Variants in GALNT13 observed in about 807,000 individuals in gnomAD.
GALNT13 encodes the protein UDP-GalNAc:polypeptide N-acetylgalactosaminyltransferase 13.
A neutral mutation model predicts 64.2 loss-of-function variants in GALNT13; 28 were observed. The observed-to-expected ratio is 0.44, with a 90% CI of 0.32 to 0.60. The LOEUF is 0.60. Ranked by LOEUF, GALNT13 falls within the 20% of genes least tolerant of loss-of-function variation. The pLI is 0.05. For synonymous variants in GALNT13, 214 were observed against 224.6 expected (o/e 0.95, Z 0.42); for missense variants, 577 against 669.8 (o/e 0.86, Z 1.53).
the GALNT13 span, among the ~76,000 whole-genome samples, chr2:153,621,292 A>T: frequency 2.0e-5 from 3 of 152,124 alleles, no homozygotes; most frequent in African/African-American, 7.2e-5. Context: ...ACAAATACTC[A>T]CCAGTTTGGG....
chr2:153,780,387 A>G, the GALNT13 span, among the ~76,000 whole-genome samples: 1 of 151,820 alleles, frequency 6.6e-6, no homozygotes, highest in Non-Finnish European at 1.5e-5. Flanking sequence ...CTGATCCCTC[A>G]ATGCTGTTCT....
chr2:154,139,567 A>G (rs893089267), intron 3 of GALNT13, among the ~76,000 whole-genome samples: 3 of 151,398 alleles, frequency 2.0e-5, no homozygotes, highest in African/African-American at 7.3e-5. Flanking sequence ...ATTTGGGCCA[A>G]CTGGCACTTT....
At chr2:153,103,394 A>G in the GALNT13 span, among the ~76,000 whole-genome samples, 2 of 152,222 alleles carry the variant, frequency 1.3e-5, no homozygotes, top group Non-Finnish European at 2.9e-5. Flanking sequence ...TGATGCCTCC[A>G]GAGACACCTT....
chr2:153,616,859 C>T, the GALNT13 span, among the ~76,000 whole-genome samples: 2 of 151,936 alleles, frequency 1.3e-5, no homozygotes, highest in Non-Finnish European at 2.9e-5. Flanking sequence ...AACTCTATAT[C>T]ATCTACAAAC....
intron 3 of GALNT13, among the ~76,000 whole-genome samples, chr2:154,131,602 C>T (rs1161383824): frequency 6.6e-6 from 1 of 152,088 alleles, no homozygotes; most frequent in Non-Finnish European, 1.5e-5. Flanking sequence ...CTATAAAAGC[C>T]AGGTTATATT....
chr2:153,348,168 C>G, the GALNT13 span, among the ~76,000 whole-genome samples: 1 of 152,120 alleles, frequency 6.6e-6, no homozygotes, highest in Admixed American at 6.6e-5. Flanking sequence ...CCTATTATGC[C>G]TGTGTTCAAA....
chr2:153,203,854 GAC>G, the GALNT13 span, among the ~76,000 whole-genome samples: 5 of 138,214 alleles, frequency 3.6e-5, no homozygotes, highest in Admixed American at 7.5e-5. Flanking sequence ...GGAAAATAGG[GAC>G]ACAATATGTA....
At chr2:153,818,093 C>T in the GALNT13 span, among the ~76,000 whole-genome samples, 1 of 149,302 alleles carries the variant, frequency 6.7e-6, no homozygotes, top group Non-Finnish European at 1.5e-5. Flanking sequence ...TCAGAACCGG[C>T]ATGGAACCAG....
chr2:154,011,895 T>C (rs541205150), intron 3 of GALNT13, among the ~76,000 whole-genome samples: 1 of 152,344 alleles, frequency 6.6e-6, no homozygotes, highest in African/African-American at 2.4e-5. Flanking sequence ...CTGATATTTT[T>C]AATTTTACAT....
chr2:154,412,214 CAT>C (rs1699825701), intron 11 of GALNT13, among the ~76,000 whole-genome samples: 1 of 151,778 alleles, frequency 6.6e-6, no homozygotes, highest in Non-Finnish European at 1.5e-5. Context: ...ATTTAACCAT[CAT>C]ATAAAACTCA....
rs1324405475 is a variant in GALNT13, at chr2:154,450,441, C to G, written c.1561C>G (p.Gln521Glu). ...RLTLRHVNSNQCLDEPSEEDK... is the reference protein window; with the variant it reads ...RLTLRHVNSNECLDEPSEEDK... ...CACGTTGCGACATGTTAACAGTAAC[C>G]AATGTCTCGATGAACCTTCTGAAGA... Residue 521 changes from glutamine to glutamate, a missense_variant, in exon 13 of 13, where the codon CAA (glutamine) becomes GAA (glutamate). Transcript: ENST00000392825. 1 of 1,612,390 alleles carries G rather than the reference C, an allele frequency of 6.2e-7. No homozygotes were observed. Among genetic ancestry groups the G allele is most frequent in the South Asian group, 1.1e-5 (1 of 90,972 alleles).
At chr2:153,667,501 C>T in the GALNT13 span, among the ~76,000 whole-genome samples, 2 of 152,076 alleles carry the variant, frequency 1.3e-5, no homozygotes, top group African/African-American at 2.4e-5. Context: ...AAATTCCAAC[C>T]AATAATTTCA....
At chr2:153,632,857 A>G in the GALNT13 span, among the ~76,000 whole-genome samples, 13 of 152,112 alleles carry the variant, frequency 8.5e-5, no homozygotes, top group East Asian at 1.9e-3. Context: ...GGTTCAAGCA[A>G]TTCTCCTGTC....
chr2:154,424,833 T>G lies in GALNT13; in HGVS notation c.1396-13759T>G, dbSNP rs190508996. Among the ~76,000 whole-genome samples, 11 of 152,348 alleles carry G rather than the reference T, an allele frequency of 7.2e-5. No homozygotes were observed. The East Asian group carries it at 1.4e-3, about 19-fold the overall frequency. Reference sequence around the variant, plus strand: ...ATATTCCTAACGAACGACTTGCACTTGAATTACTGTCTCAGTGTCTGCCTT... The same window carrying G: ...ATATTCCTAACGAACGACTTGCACTGGAATTACTGTCTCAGTGTCTGCCTT... On this transcript the variant is annotated intron_variant, in intron 11 of 12. Coordinates refer to ENST00000392825, the MANE Select transcript of GALNT13 (RefSeq NM_052917.4).
At chr2:154,010,699 TGTGA>T (rs1490255640) in intron 3 of GALNT13, among the ~76,000 whole-genome samples, 1 of 152,186 alleles carries the variant, frequency 6.6e-6, no homozygotes, top group Non-Finnish European at 1.5e-5. Context: ...AGAATTCAGT[TGTGA>T]GTCAATCTGG....
chr2:153,548,045 T>C, the GALNT13 span, among the ~76,000 whole-genome samples: 5 of 152,216 alleles, frequency 3.3e-5, no homozygotes, highest in African/African-American at 4.8e-5. Context: ...TTAATGTCCA[T>C]ATTCTCACAG....
chr2:153,213,818 G>A, the GALNT13 span, among the ~76,000 whole-genome samples: 2 of 152,148 alleles, frequency 1.3e-5, no homozygotes, highest in Non-Finnish European at 2.9e-5. Flanking sequence ...AAATTGTAGG[G>A]CATTCACTGG....
chr2:153,507,347 C>T, the GALNT13 span, among the ~76,000 whole-genome samples: 1 of 151,908 alleles, frequency 6.6e-6, no homozygotes, highest in Admixed American at 6.6e-5. Flanking sequence ...AGTGTGCTAT[C>T]TCAGTTCACT....
intron 4 of GALNT13, among the ~76,000 whole-genome samples, chr2:154,235,456 T>C (rs1353553636): frequency 6.6e-6 from 1 of 152,188 alleles, no homozygotes; most frequent in Non-Finnish European, 1.5e-5. Context: ...CCAAGTTTTG[T>C]TTGCATGGAT....
Sources: gnomAD v4.1 joint callset for allele counts (sites outside exome capture counted in the v4.1 genomes callset) on GRCh38, gnomAD v4.1.1 for gene constraint, MANE v1.5 for transcripts, NCBI Gene and HGNC (gene_info 2026-07-23, HGNC 2026-07-21) for gene names.